The following SH3RF2 variants were observed in gnomAD, a reference collection of about 807,000 sequenced individuals.
SH3RF2 encodes SH3 domain containing ring finger 2, also known as E3 ubiquitin-protein ligase SH3RF2.
Under a neutral mutation model 59.0 loss-of-function variants are expected in SH3RF2, and 43 were observed. The ratio of observed to expected loss-of-function variants is 0.73; its 90% CI spans 0.57 to 0.94. SH3RF2 has a LOEUF of 0.94. Ranked by LOEUF, SH3RF2 falls within the 40% of genes least tolerant of loss-of-function variation. The probability of loss-of-function intolerance (pLI) is 0.00; values close to 1 mark genes in which losing one functional copy is unlikely to be tolerated. For synonymous variants in SH3RF2, 391 were observed against 391.5 expected (o/e 1.00, Z 0.01); for missense variants, 930 against 940.1 (o/e 0.99, Z 0.14).
At chr5:145,963,055 A>C (rs1219942299) in intron 2 of SH3RF2, among the ~76,000 whole-genome samples, 3 of 149,872 alleles carry the variant, frequency 2.0e-5, no homozygotes, top group Non-Finnish European at 4.4e-5. Flanking sequence ...CTGCCACCAC[A>C]CCCGGCTAAT....
intron 7 of SH3RF2, among the ~76,000 whole-genome samples, chr5:146,052,696 T>G (rs1482994185): frequency 6.6e-6 from 1 of 152,178 alleles, no homozygotes; most frequent in South Asian, 2.1e-4. Context: ...ATCTCCCACA[T>G]GAATGATACA....
At chr5:146,069,020 C>G (rs1486496107) in intron 9 of SH3RF2, among the ~76,000 whole-genome samples, 1 of 152,188 alleles carries the variant, frequency 6.6e-6, no homozygotes, top group African/African-American at 2.4e-5. Context: ...AACCACTATC[C>G]TGCATCCCAC....
intron 2 of SH3RF2, among the ~76,000 whole-genome samples, chr5:145,995,559 C>T (rs1423798482): frequency 6.6e-6 from 1 of 152,118 alleles, no homozygotes; most frequent in Non-Finnish European, 1.5e-5. Context: ...TTTCTAAATT[C>T]CTCTCATACC....
chr5:146,064,554 A>G (rs1762998768), downstream of SH3RF2, among the ~76,000 whole-genome samples: 1 of 145,324 alleles, frequency 6.9e-6, no homozygotes, highest in Non-Finnish European at 1.5e-5. Flanking sequence ...AGAAAGAAAG[A>G]AAAAGAAAGG....
intron 4 of SH3RF2, among the ~76,000 whole-genome samples, chr5:146,008,103 TAAAAC>T (rs780390621): frequency 5.3e-5 from 8 of 152,212 alleles, no homozygotes; most frequent in Non-Finnish European, 1.0e-4. Flanking sequence ...TAAAAGGTGA[TAAAAC>T]AAAGGCTGAG....
At chr5:145,939,153 A>C (rs924614624) in intron 2 of SH3RF2, among the ~76,000 whole-genome samples, 6 of 152,232 alleles carry the variant, frequency 3.9e-5, no homozygotes, top group African/African-American at 1.4e-4. Flanking sequence ...ATCTGGAAAG[A>C]AGGACATGGT....
At chr5:145,959,450 A>C (rs985034961) in intron 2 of SH3RF2, among the ~76,000 whole-genome samples, 1 of 152,090 alleles carries the variant, frequency 6.6e-6, no homozygotes, top group Non-Finnish European at 1.5e-5. Flanking sequence ...CCAGACTAAG[A>C]GCCTATAAGG....
At chr5:146,047,922 T>C (rs1226170455) in intron 6 of SH3RF2, 59 bp downstream of exon 6, 4 of 1,491,932 alleles carry the variant, frequency 2.7e-6, no homozygotes, top group Non-Finnish European at 2.8e-6. Context: ...ATCTTTACCA[T>C]GTACAGTGGT....
intron 2 of SH3RF2, among the ~76,000 whole-genome samples, chr5:145,948,681 C>T (rs1758082298): frequency 6.6e-6 from 1 of 152,216 alleles, no homozygotes; most frequent in African/African-American, 2.4e-5. Flanking sequence ...GGGAAATTCG[C>T]CATGTGGCTG....
At chr5:146,014,097 A>G (rs1189165159) in intron 5 of SH3RF2, 36 bp downstream of exon 5, 1 of 1,600,434 alleles carries the variant, frequency 6.2e-7, no homozygotes, top group Non-Finnish European at 8.5e-7. Flanking sequence ...GGCACTTTGG[A>G]GTTGGGCAAG....
intron 2 of SH3RF2, among the ~76,000 whole-genome samples, chr5:145,967,263 A>G (rs888762121): frequency 6.6e-6 from 1 of 152,158 alleles, no homozygotes; most frequent in Non-Finnish European, 1.5e-5. Flanking sequence ...CTCTCTATCT[A>G]GATATCAAGC....
chr5:146,067,149 GA>G (rs1763126726), downstream of SH3RF2, among the ~76,000 whole-genome samples: 1 of 152,078 alleles, frequency 6.6e-6, no homozygotes, highest in Non-Finnish European at 1.5e-5. Flanking sequence ...TTCAGAGCAG[GA>G]AGAGTTTAAA....
chr5:145,966,089 G>A (rs1307854267), intron 2 of SH3RF2, among the ~76,000 whole-genome samples: 2 of 152,160 alleles, frequency 1.3e-5, no homozygotes, highest in African/African-American at 4.8e-5. Flanking sequence ...GAGACACGGG[G>A]GAGGCGTGAG....
chr5:145,937,878 C>T lies in SH3RF2; in HGVS notation c.-51C>T, dbSNP rs1757655801. 8 of 1,569,380 alleles carry T rather than the reference C, an allele frequency of 5.1e-6. No homozygotes were observed. The East Asian group carries it at 1.8e-4, about 35-fold the overall frequency. ...CTCTGCCCCCGTGGCTCAACTGACC[C>T]TACCATGTGGACGCTGCTCCTCCAG... is the stretch of plus-strand genomic sequence containing the variant. On this transcript the variant is annotated 5_prime_UTR_variant, in exon 2 of 10. Coordinates refer to ENST00000359120, the MANE Select transcript of SH3RF2 (RefSeq NM_152550.4).
chr5:145,959,633 G>C (rs772233664), intron 2 of SH3RF2, among the ~76,000 whole-genome samples: 12 of 150,364 alleles, frequency 8.0e-5, no homozygotes, highest in Admixed American at 2.6e-4. Flanking sequence ...GTGTGTGTGT[G>C]TGTGTGTGTG....
intron 2 of SH3RF2, among the ~76,000 whole-genome samples, chr5:145,979,741 G>C (rs1418954100): frequency 6.6e-6 from 1 of 152,132 alleles, no homozygotes; most frequent in African/African-American, 2.4e-5. Flanking sequence ...ATGAATAATA[G>C]CGTTTACCTC....
intron 2 of SH3RF2, among the ~76,000 whole-genome samples, chr5:145,985,142 C>T (rs1458802871): frequency 6.6e-6 from 1 of 151,462 alleles, no homozygotes; most frequent in Non-Finnish European, 1.5e-5. Flanking sequence ...GACAACAGAG[C>T]AAGACCCTGT....
At chr5:145,937,725 C>A (rs938429759) in intron 1 of SH3RF2, 98 bp from the exon 2 acceptor site, 2 of 602,832 alleles carry the variant, frequency 3.3e-6, no homozygotes, top group Non-Finnish European at 5.8e-6. Context: ...GAACAAAGTA[C>A]TTGCAAACTG....
chr5:146,035,840 T>C (rs1761918124), intron 5 of SH3RF2, among the ~76,000 whole-genome samples: 1 of 152,120 alleles, frequency 6.6e-6, no homozygotes, highest in African/African-American at 2.4e-5. Flanking sequence ...GGCAGGAGCC[T>C]GGGGTAGGAC....
Sources: gnomAD v4.1 joint callset for allele counts (sites outside exome capture counted in the v4.1 genomes callset) on GRCh38, gnomAD v4.1.1 for gene constraint, MANE v1.5 for transcripts, NCBI Gene and HGNC (gene_info 2026-07-23, HGNC 2026-07-21) for gene names.